The following OGDH variants were observed in gnomAD, a reference collection of about 807,000 sequenced individuals.
The protein encoded by OGDH is oxoglutarate dehydrogenase.
Under a neutral mutation model 116.6 loss-of-function variants are expected in OGDH, and 38 were observed. The ratio of observed to expected loss-of-function variants is 0.33; its 90% CI spans 0.25 to 0.43. The LOEUF (loss-of-function observed/expected upper bound fraction) is 0.43. Ranked by LOEUF, OGDH falls within the 20% of genes least tolerant of loss-of-function variation. The pLI is 1.00. For missense variants in OGDH, 825 were observed against 1,357.2 expected (o/e 0.61, Z 6.16); for synonymous variants, 488 against 533.3 (o/e 0.92, Z 1.17).
rs938597910 is a variant in OGDH, at chr7:44,688,285, C to T, written c.1336-5540C>T. Among the ~76,000 whole-genome samples the T allele has an allele frequency of 6.6e-5, 10 of 151,794 alleles. No individual in the cohort carries two copies. The South Asian group carries it at 1.9e-3, about 28-fold the overall frequency. On this transcript the variant is annotated intron_variant, in intron 10 of 22. Coordinates refer to ENST00000222673, the MANE Select transcript of OGDH (RefSeq NM_002541.4). ...ACTCTCGAAGCTGCAGCAGGAGAAT[C>T]GCTTGAACCTGGGAGGCGGAGATTG...
chr7:44,699,886 G>A (rs1788752242), intron 18 of OGDH, among the ~76,000 whole-genome samples: 1 of 152,102 alleles, frequency 6.6e-6, no homozygotes, highest in Non-Finnish European at 1.5e-5. Flanking sequence ...GAGAGTGGGG[G>A]AGAGGGGCCA....
chr7:44,630,597 G>A (rs543098792), intron 2 of OGDH, among the ~76,000 whole-genome samples: 7 of 152,252 alleles, frequency 4.6e-5, no homozygotes, highest in African/African-American at 1.7e-4. Context: ...TGGTTCCAGG[G>A]CACACTGAGG....
intron 2 of OGDH, among the ~76,000 whole-genome samples, chr7:44,626,690 C>T (rs1032887083): frequency 2.0e-5 from 3 of 152,212 alleles, no homozygotes; most frequent in African/African-American, 7.2e-5. Flanking sequence ...ATCATAGCTG[C>T]TCCTGCTGGA....
At chr7:44,646,703 T>C (rs1015096232) in intron 3 of OGDH, among the ~76,000 whole-genome samples, 3 of 152,216 alleles carry the variant, frequency 2.0e-5, no homozygotes, top group African/African-American at 7.2e-5. Context: ...GAAGGGATTT[T>C]CTTTCTCCTT....
At chr7:44,643,120 CA>C (rs1786024536) in intron 2 of OGDH, among the ~76,000 whole-genome samples, 1 of 119,834 alleles carries the variant, frequency 8.3e-6, no homozygotes, top group East Asian at 3.3e-4. Context: ...AAAAAAAAGT[CA>C]TTTTTTAAGT....
chr7:44,658,945 C>T (rs897946384), intron 4 of OGDH, among the ~76,000 whole-genome samples: 2 of 152,220 alleles, frequency 1.3e-5, no homozygotes, highest in East Asian at 1.9e-4. Context: ...AAGCAATTCT[C>T]CCACCTCAGC....
chr7:44,624,650 G>A, intron 2 of OGDH, 85 bp downstream of exon 2: 1 of 1,209,114 alleles, frequency 8.3e-7, no homozygotes, highest in Non-Finnish European at 1.2e-6. Flanking sequence ...TGTGCGTCCT[G>A]AGGAGTCAGC....
intron 5 of OGDH, among the ~76,000 whole-genome samples, chr7:44,672,644 G>GC (rs1377103845): frequency 7.5e-6 from 1 of 134,030 alleles, no homozygotes; most frequent in Non-Finnish European, 1.6e-5. Flanking sequence ...TTTGTTTTTT[G>GC]TTTTTTTTTT....
chr7:44,682,842 GACCCTGTCTTGAAAA>G (rs1376638637), intron 10 of OGDH, among the ~76,000 whole-genome samples: 1 of 151,634 alleles, frequency 6.6e-6, no homozygotes, highest in Non-Finnish European at 1.5e-5. Flanking sequence ...AACAGAGTGA[GACCCTGTCTTGAAAA>G]AAATAAATAG....
chr7:44,629,948 G>A (rs192467799), intron 2 of OGDH, among the ~76,000 whole-genome samples: 11 of 152,270 alleles, frequency 7.2e-5, no homozygotes, highest in Admixed American at 2.0e-4. Context: ...GTGTGTACAT[G>A]TGGTCGCTGC....
intron 2 of OGDH, among the ~76,000 whole-genome samples, chr7:44,625,998 G>A (rs1785188238): frequency 6.6e-6 from 1 of 151,892 alleles, no homozygotes; most frequent in Non-Finnish European, 1.5e-5. Flanking sequence ...GGTGGGGGGC[G>A]GGTATATTCC....
chr7:44,658,993 C>T (rs141397224), intron 4 of OGDH, among the ~76,000 whole-genome samples: 29 of 152,198 alleles, frequency 1.9e-4, no homozygotes, highest in African/African-American at 5.3e-4. Flanking sequence ...TGCACCACCA[C>T]GCCCAGCTAA....
chr7:44,684,427 G>A (rs1487112923), intron 10 of OGDH, among the ~76,000 whole-genome samples: 1 of 152,144 alleles, frequency 6.6e-6, no homozygotes, highest in African/African-American at 2.4e-5. Context: ...ATACTAAAGA[G>A]CTCAAAATTT....
intron 9 of OGDH, among the ~76,000 whole-genome samples, chr7:44,680,648 A>G (rs1265498179): frequency 1.3e-5 from 2 of 152,222 alleles, no homozygotes; most frequent in African/African-American, 4.8e-5. Flanking sequence ...GGGCCTAGAA[A>G]TGATGATATC....
Position 44,708,011 on chromosome 7 carries a change from G to A in OGDH, c.*12G>A. 16 of 1,610,210 alleles carry A rather than the reference G, an allele frequency of 9.9e-6. 1 individual carries two copies. The highest frequency in any genetic ancestry group is 1.3e-5 in the Non-Finnish European group (15 of 1,179,078). On this transcript the variant is annotated 3_prime_UTR_variant, in exon 23 of 23. Coordinates refer to ENST00000222673, the MANE Select transcript of OGDH (RefSeq NM_002541.4). ...AGAACTTCTCGTAGATGCTGCCTAG[G>A]GTTGCTTGGGCCACTGCCCTCTCCA... is the stretch of plus-strand genomic sequence containing the variant.
intron 10 of OGDH, among the ~76,000 whole-genome samples, chr7:44,686,222 T>C (rs1252384804): frequency 2.0e-5 from 3 of 152,208 alleles, no homozygotes; most frequent in Admixed American, 6.5e-5. Flanking sequence ...ATCCTTTTCT[T>C]GTTTCCAATT....
rs906136257 is a variant in OGDH at position 44,697,884 on chromosome 7, C to T, written c.2358+102C>T. 1 of 1,315,648 alleles carries T rather than the reference C, an allele frequency of 7.6e-7. No homozygotes were observed. 81.5% of individuals were successfully genotyped at this position (1,315,648 alleles called of 1,614,324 possible). On this transcript the variant is annotated intron_variant, in intron 17 of 22. Transcript: ENST00000222673. This position sits in a 1 kb window ranked among gnomAD's most constrained non-coding sequence, Gnocchi z 6.0. ...ACGAGAGCCAGTGGCTCACACCAGCCTCCTAAGGACTCTGCTGGTGCTTCC... is the reference window on the plus strand; with the variant it reads ...ACGAGAGCCAGTGGCTCACACCAGCTTCCTAAGGACTCTGCTGGTGCTTCC...
chr7:44,644,558 T>C (rs777596676), intron 2 of OGDH, among the ~76,000 whole-genome samples: 1 of 152,214 alleles, frequency 6.6e-6, no homozygotes, highest in East Asian at 1.9e-4. Flanking sequence ...TCCTCATAGA[T>C]GAGAAAACAG....
intron 5 of OGDH, among the ~76,000 whole-genome samples, chr7:44,669,084 A>G (rs974338058): frequency 2.0e-5 from 3 of 147,078 alleles, no homozygotes; most frequent in African/African-American, 7.5e-5. Context: ...GCCTGTGCTG[A>G]GAGCAGACTC....
Sources: allele counts gnomAD v4.1 joint callset (sites outside exome capture counted in the v4.1 genomes callset), GRCh38; gene constraint gnomAD v4.1.1; non-coding constraint Gnocchi (gnomAD v3.1); transcripts MANE v1.5; gene names NCBI Gene and HGNC (gene_info 2026-07-23, HGNC 2026-07-21).